CSMD1: variants seen among roughly 807,000 people sequenced by gnomAD.
CSMD1 encodes the protein CUB and Sushi multiple domains 1, also known as CUB and sushi domain-containing protein 1.
In CSMD1, 213 loss-of-function variants were observed where a neutral mutation model predicts 417.5. The ratio of observed to expected loss-of-function variants is 0.51; its 90% CI spans 0.46 to 0.57. CSMD1 has a LOEUF of 0.57. Among genes scored for constraint, CSMD1 ranks in the 20% least tolerant of loss-of-function variants. The pLI is 0.00. For synonymous variants in CSMD1, 2,862 were observed against 1,736.8 expected, an observed-to-expected ratio of 1.65 and a Z score of -16.11; for missense variants, 6,923 against 4,529.7, an observed-to-expected ratio of 1.53 and a Z score of -15.17.
At chr8:3,937,163 G>T (rs1432589137) in intron 5 of CSMD1, among the ~76,000 whole-genome samples, 1 of 152,156 alleles carries the variant, frequency 6.6e-6, no homozygotes, top group Non-Finnish European at 1.5e-5. Context: ...TTCTTTAGAT[G>T]AAATCTACTC....
chr8:3,708,380 T>C, intron 7 of CSMD1, 34 bp downstream of exon 7: 1 of 1,579,024 alleles, frequency 6.3e-7, no homozygotes, highest in Non-Finnish European at 8.7e-7. Context: ...TACAAGGGCG[T>C]ATCAATCCTC....
chr8:4,177,423 T>C (rs1798116092), intron 3 of CSMD1, among the ~76,000 whole-genome samples: 1 of 151,640 alleles, frequency 6.6e-6, no homozygotes, highest in Non-Finnish European at 1.5e-5. Flanking sequence ...TGGGGCACAT[T>C]CAAAGCAGTG....
In CSMD1 at chr8:4,859,652, T is replaced by C. The variant is rs1357950700; in HGVS notation, c.85+134680A>G. Among the ~76,000 whole-genome samples, 4 of 151,856 alleles carry C rather than the reference T, an allele frequency of 2.6e-5. No individual in the cohort carries two copies. In the East Asian group the frequency reaches 7.7e-4, roughly 29 times the overall value. Reference sequence around the variant, plus strand: ...GACGTTTATACAGCCAAAAAACACATGAAAAAATGCTCATCATCCCTGGCC... The same window carrying C: ...GACGTTTATACAGCCAAAAAACACACGAAAAAATGCTCATCATCCCTGGCC... On this transcript the variant is annotated intron_variant, in intron 1 of 69. Coordinates refer to ENST00000635120, the MANE Select transcript of CSMD1 (RefSeq NM_033225.6).
chr8:4,086,046 G>C (rs2554649), intron 3 of CSMD1, among the ~76,000 whole-genome samples: 1,885 of 152,274 alleles, frequency 0.012, 38 homozygotes, highest in African/African-American at 0.041. Context: ...ACAAAAAATA[G>C]ATGCAATCAA....
At chr8:2,947,184 G>A (rs1298023562) in intron 68 of CSMD1, among the ~76,000 whole-genome samples, 2 of 152,158 alleles carry the variant, frequency 1.3e-5, no homozygotes, top group East Asian at 1.9e-4. Flanking sequence ...TTAGGGTTGA[G>A]TCATTCAATC....
chr8:3,156,297 A>T (rs536287869), intron 39 of CSMD1, among the ~76,000 whole-genome samples: 1 of 152,334 alleles, frequency 6.6e-6, no homozygotes, highest in East Asian at 1.9e-4. Context: ...GTGGGGAACA[A>T]TAAAGACAGC....
chr8:3,269,851 GA>G, intron 26 of CSMD1, among the ~76,000 whole-genome samples: 1 of 152,220 alleles, frequency 6.6e-6, no homozygotes, highest in East Asian at 1.9e-4. Context: ...CAGGACAGTG[GA>G]CCTTTAATGG....
chr8:3,542,492 A>G (rs1016003275), intron 10 of CSMD1, among the ~76,000 whole-genome samples: 1 of 152,202 alleles, frequency 6.6e-6, no homozygotes. Context: ...GCAGGGAAAA[A>G]GCAATAAATC....
At chr8:4,772,496 C>A (rs992770104) in intron 1 of CSMD1, among the ~76,000 whole-genome samples, 1 of 152,142 alleles carries the variant, frequency 6.6e-6, no homozygotes, top group Non-Finnish European at 1.5e-5. Flanking sequence ...CATAATATAA[C>A]ATTCACAGGA....
At chr8:3,547,611 T>C (rs1253309010) in intron 10 of CSMD1, among the ~76,000 whole-genome samples, 1 of 152,182 alleles carries the variant, frequency 6.6e-6, no homozygotes, top group Non-Finnish European at 1.5e-5. Flanking sequence ...AAATATTAAG[T>C]TTACTATTTT....
chr8:4,730,467 G>A (rs1167553433), intron 1 of CSMD1, among the ~76,000 whole-genome samples: 2 of 152,170 alleles, frequency 1.3e-5, no homozygotes, highest in Non-Finnish European at 2.9e-5. Context: ...ATGGCCAGGA[G>A]CAGTGGCTCA....
At chr8:4,752,225 A>T (rs961963016) in intron 1 of CSMD1, among the ~76,000 whole-genome samples, 1 of 152,156 alleles carries the variant, frequency 6.6e-6, no homozygotes, top group East Asian at 1.9e-4. Flanking sequence ...TCATATCTTA[A>T]TTTTTTTGTC....
chr8:3,721,724 G>T (rs944261340), intron 6 of CSMD1, among the ~76,000 whole-genome samples: 1 of 152,062 alleles, frequency 6.6e-6, no homozygotes, highest in African/African-American at 2.4e-5. Context: ...AGTTAATGGG[G>T]TGAAAAATAA....
intron 5 of CSMD1, among the ~76,000 whole-genome samples, chr8:3,905,132 G>C (rs1438813062): frequency 6.6e-6 from 1 of 152,088 alleles, no homozygotes; most frequent in Non-Finnish European, 1.5e-5. Context: ...AAGAAATTCA[G>C]AGAGAATCCT....
At position 3,175,483 on chromosome 8, in the gene CSMD1, T is replaced by TCCTGCCTGCCTGCCTG. The variant is rs67818519; in HGVS notation, c.5725+5611_5725+5626dup. On this transcript the variant is annotated intron_variant, in intron 37 of 69. Coordinates refer to ENST00000635120, the MANE Select transcript of CSMD1 (RefSeq NM_033225.6). ...CTTTCCTTCCTTCTTTTCCCTTCCT[T>TCCTGCCTGCCTGCCTG]CCTGCCTGCCTGCCTGCCTGCCTGC... Among the ~76,000 whole-genome samples, 379 of 121,656 alleles carry TCCTGCCTGCCTGCCTG rather than the reference T, an allele frequency of 3.1e-3. 6 individuals are homozygous for TCCTGCCTGCCTGCCTG. Among genetic ancestry groups the TCCTGCCTGCCTGCCTG allele is most frequent in the South Asian group, 0.018 (58 of 3,158 alleles). The allele number at this position is 121,656 out of a possible 152,430, so 79.8% of individuals were successfully genotyped here. A position where few individuals can be genotyped will look rare whatever the true frequency, so the allele number is the denominator to read the frequency against.
intron 7 of CSMD1, among the ~76,000 whole-genome samples, chr8:3,683,063 G>A (rs544478339): frequency 6.6e-6 from 1 of 152,034 alleles, no homozygotes; most frequent in Non-Finnish European, 1.5e-5. Flanking sequence ...GGGGTAGAGG[G>A]AAGGGATAGC....
At chr8:4,027,958 A>G (rs1199111030) in intron 4 of CSMD1, among the ~76,000 whole-genome samples, 1 of 152,212 alleles carries the variant, frequency 6.6e-6, no homozygotes, top group Non-Finnish European at 1.5e-5. Context: ...GAAAGAATAT[A>G]TTTAGGATGC....
At chr8:3,450,273 C>T (rs574201944) in intron 12 of CSMD1, among the ~76,000 whole-genome samples, 1 of 152,080 alleles carries the variant, frequency 6.6e-6, no homozygotes, top group Admixed American at 6.5e-5. Context: ...AGTTTCAGAT[C>T]TTCCTACCCA....
At chr8:4,202,084 G>C (rs58526267) in intron 3 of CSMD1, among the ~76,000 whole-genome samples, 1 of 106,286 alleles carries the variant, frequency 9.4e-6, no homozygotes, top group Non-Finnish European at 2.0e-5. Context: ...CTCAGTTTAA[G>C]AGTAAATTTT....
Sources: allele counts gnomAD v4.1 joint callset (sites outside exome capture counted in the v4.1 genomes callset), GRCh38; gene constraint gnomAD v4.1.1; transcripts MANE v1.5; gene names NCBI Gene and HGNC (gene_info 2026-07-23, HGNC 2026-07-21).